The following RXRA variants were observed in gnomAD, a reference collection of about 807,000 sequenced individuals.
RXRA encodes the protein retinoid X receptor alpha.
Under a neutral mutation model 44.5 loss-of-function variants are expected in RXRA, and 5 were observed. That is an observed-to-expected ratio of 0.11 (90% CI 0.06 to 0.24). The LOEUF is 0.24. RXRA is among the 10% of genes least tolerant of loss of function. RXRA has a pLI of 1.00. For synonymous variants in RXRA, 291 were observed against 271.4 expected, an observed-to-expected ratio of 1.07 and a Z score of -0.71; for missense variants, 412 against 646.5, an observed-to-expected ratio of 0.64 and a Z score of 3.93.
chr9:134,379,588 A>T, intron 1 of RXRA: 12 of 985,270 alleles, frequency 1.2e-5, no homozygotes, highest in Non-Finnish European at 1.4e-5. Context: ...GCCTTGGGTG[A>T]TGCTCCTGTG....
chr9:134,427,255 C>T (rs1030028076), intron 6 of RXRA: 1 of 728,448 alleles, frequency 1.4e-6, no homozygotes, highest in African/African-American at 1.9e-5. Context: ...CTCGGCTGAG[C>T]CCTGGGATGC....
At chr9:134,423,000 C>A in intron 6 of RXRA, 1 of 985,508 alleles carries the variant, frequency 1.0e-6, no homozygotes, top group Non-Finnish European at 1.2e-6. Flanking sequence ...ATCACACTCC[C>A]CGTGATGCCA....
rs1831439389 is a variant in RXRA at position 134,426,629 on chromosome 9, G to A, written c.911-2479G>A. On this transcript the variant is annotated intron_variant, in intron 6 of 9. Transcript: ENST00000481739. The surrounding 1 kb of genome is among the most constrained non-coding windows in gnomAD (Gnocchi z 4.6). The stretch of plus-strand genomic sequence containing the variant: ...CCCCAGCCGTGCACTAGGCCCCTCT[G>A]CTGGGCACACCAGAGTTTCAGAGGC... The A allele has an allele frequency of 4.1e-6, 4 of 985,430 alleles. No individual in the cohort carries two copies. In the South Asian group the frequency reaches 1.9e-4, roughly 46 times the overall value. The allele number at this position is 985,430 out of a possible 1,614,324, so 61.0% of individuals were successfully genotyped here.
chr9:134,409,854 G>A (rs1831119615), intron 4 of RXRA, among the ~76,000 whole-genome samples: 1 of 152,228 alleles, frequency 6.6e-6, no homozygotes, highest in African/African-American at 2.4e-5. Flanking sequence ...GAGGTGGGAG[G>A]TGCTGTCTGG....
intron 5 of RXRA, among the ~76,000 whole-genome samples, chr9:134,419,195 C>A (rs761664092): frequency 5.3e-5 from 8 of 152,180 alleles, no homozygotes; most frequent in African/African-American, 1.2e-4. Context: ...ACCAGCCTCG[C>A]GGAGGGCAGG....
At chr9:134,412,816 C>T (rs977282463) in intron 4 of RXRA, among the ~76,000 whole-genome samples, 7 of 152,290 alleles carry the variant, frequency 4.6e-5, no homozygotes, top group Admixed American at 3.9e-4. Flanking sequence ...CACCCAGGGT[C>T]GTCGGGGGAG....
At chr9:134,432,746 G>A (rs1588310874) in intron 8 of RXRA, among the ~76,000 whole-genome samples, 1 of 152,230 alleles carries the variant, frequency 6.6e-6, no homozygotes, top group South Asian at 2.1e-4. Context: ...GCAGGAGCAC[G>A]GTTGGTCGAG....
chr9:134,347,482 G>C (rs782134464), intron 1 of RXRA, among the ~76,000 whole-genome samples: 1 of 152,196 alleles, frequency 6.6e-6, no homozygotes, highest in Non-Finnish European at 1.5e-5. Flanking sequence ...GGCTTCTGCC[G>C]AGCAGGAGGG....
At chr9:134,423,922 G>A (rs1042150687) in intron 6 of RXRA, 5 of 980,224 alleles carry the variant, frequency 5.1e-6, no homozygotes, top group Admixed American at 6.2e-5. Context: ...CTGGCCGCAC[G>A]CAGCTCTTTT....
Position 134,400,883 on chromosome 9 carries a change from G to T in RXRA, c.29-749G>T, listed in dbSNP as rs576443411. ...AGAGGTGCCCCATTCCACCCATCTG[G>T]TCCCCTCAAACAGACCTCAGAGCAT... On this transcript the variant is annotated intron_variant, in intron 1 of 9. Coordinates refer to ENST00000481739, the MANE Select transcript of RXRA (RefSeq NM_002957.6). 3.3e-5 allele frequency among the ~76,000 whole-genome samples: 5 copies of T among 152,282 alleles called. No homozygotes were observed. In the East Asian group the frequency reaches 9.7e-4, roughly 29 times the overall value.
At chr9:134,397,871 GTGTC>G (rs1270173708) in intron 1 of RXRA, among the ~76,000 whole-genome samples, 1 of 152,262 alleles carries the variant, frequency 6.6e-6, no homozygotes, top group Non-Finnish European at 1.5e-5. Flanking sequence ...TTGGGTCTGA[GTGTC>G]TGAGGCTGTC....
chr9:134,425,086 A>G (rs1831410564), intron 6 of RXRA: 8 of 985,302 alleles, frequency 8.1e-6, no homozygotes, highest in Non-Finnish European at 9.6e-6. Context: ...TCAAGGCCCA[A>G]GGTCTCTGCT....
chr9:134,343,752 G>A lies in RXRA; in HGVS notation c.28+17093G>A, dbSNP rs72768785. Among the ~76,000 whole-genome samples the A allele has an allele frequency of 0.045, 6,814 of 152,204 alleles. 210 individuals carry two copies. Among genetic ancestry groups the A allele is most frequent in the Non-Finnish European group, 0.067 (4,576 of 67,984 alleles). ...ACCCTCCATCCGCCCGTCCCCAGCC[G>A]GGCGCGGCACTGAGCTGAGGGAGCC... is the stretch of plus-strand genomic sequence containing the variant. On this transcript the variant is annotated intron_variant, in intron 1 of 9. Coordinates refer to ENST00000481739, the MANE Select transcript of RXRA (RefSeq NM_002957.6). The surrounding 1 kb of genome is among the most constrained non-coding windows in gnomAD (Gnocchi z 4.1).
chr9:134,430,124 G>C (rs1831508328), intron 7 of RXRA, among the ~76,000 whole-genome samples: 1 of 152,188 alleles, frequency 6.6e-6, no homozygotes, highest in African/African-American at 2.4e-5. Flanking sequence ...CTGACCTCGT[G>C]ATCCGCCCAC....
chr9:134,425,091 T>C, intron 6 of RXRA: 1 of 985,302 alleles, frequency 1.0e-6, no homozygotes, highest in Non-Finnish European at 1.2e-6. Flanking sequence ...GCCCAAGGTC[T>C]CTGCTCACTC....
intron 1 of RXRA, among the ~76,000 whole-genome samples, chr9:134,363,699 A>G (rs945091674): frequency 6.6e-6 from 1 of 152,170 alleles, no homozygotes; most frequent in African/African-American, 2.4e-5. Context: ...CTGCCTGAGC[A>G]CTGCCTGTGC....
rs139438512 is a variant in RXRA at position 134,359,624 on chromosome 9, G to T, written c.28+32965G>T. Among the ~76,000 whole-genome samples, 1,345 of 152,290 alleles carry T rather than the reference G, an allele frequency of 8.8e-3. 8 individuals carry two copies. The highest frequency in any genetic ancestry group is 0.015 in the Non-Finnish European group (996 of 68,000). ...GGGAGGGGTGTGACCTACCCCCTGCGGATCAGCCACCTGCATTGTTTTCCC... is the reference window on the plus strand; with the variant it reads ...GGGAGGGGTGTGACCTACCCCCTGCTGATCAGCCACCTGCATTGTTTTCCC... On this transcript the variant is annotated intron_variant, in intron 1 of 9. Transcript: ENST00000481739.
rs1403632529 is a variant in RXRA, at chr9:134,433,872, G to A, written c.1136-230G>A. On this transcript the variant is annotated intron_variant, in intron 8 of 9. Transcript: ENST00000481739. The surrounding 1 kb of genome is among the most constrained non-coding windows in gnomAD (Gnocchi z 4.2). ...AAGGTCACGTGGCTGGCAAGTGGCA[G>A]AGCTGAGCCTGGACCCAGAGCAGCC... is the stretch of plus-strand genomic sequence containing the variant. Among the ~76,000 whole-genome samples, 1 of 152,198 alleles carries A rather than the reference G, an allele frequency of 6.6e-6. No homozygotes were observed. Among genetic ancestry groups the A allele is most frequent in the African/African-American group, 2.4e-5 (1 of 41,440 alleles).
intron 2 of RXRA, chr9:134,404,959 G>A (rs1831025679): frequency 6.6e-6 from 1 of 152,308 alleles, no homozygotes; most frequent in Admixed American, 6.5e-5. Flanking sequence ...GATCTGAAAG[G>A]GGAAATGCGA....
Sources: allele counts gnomAD v4.1 joint callset (sites outside exome capture counted in the v4.1 genomes callset), GRCh38; gene constraint gnomAD v4.1.1; non-coding constraint Gnocchi (gnomAD v3.1); transcripts MANE v1.5; gene names NCBI Gene and HGNC (gene_info 2026-07-23, HGNC 2026-07-21).